Variants in DNAH17 observed in about 807,000 individuals in gnomAD.
DNAH17 encodes dynein axonemal heavy chain 17.
In DNAH17, 376 loss-of-function variants were observed where a neutral mutation model predicts 485.6. The observed-to-expected ratio is 0.77, with a 90% CI of 0.71 to 0.84. The LOEUF is 0.84. Among genes scored for constraint, DNAH17 ranks in the 40% least tolerant of loss-of-function variants. DNAH17 has a pLI of 0.00. For synonymous variants in DNAH17, 3,031 were observed against 2,405.9 expected (o/e 1.26, Z -7.60); for missense variants, 6,370 against 5,839.3 (o/e 1.09, Z -2.96).
chr17:78,535,978 C>T (rs540372948), intron 19 of DNAH17, among the ~76,000 whole-genome samples: 3 of 152,262 alleles, frequency 2.0e-5, no homozygotes, highest in Non-Finnish European at 4.4e-5. Context: ...TCAAACCTCC[C>T]TTAAGCGGGG....
At chr17:78,545,745 C>G (rs1326574850) in intron 16 of DNAH17, among the ~76,000 whole-genome samples, 4 of 152,166 alleles carry the variant, frequency 2.6e-5, no homozygotes, top group Admixed American at 2.6e-4. Context: ...GCCCATTTTT[C>G]AACTCTTCTA....
rs902479801 is a variant in DNAH17 at position 78,500,655 on chromosome 17, C to A, written c.5484-194G>T. 2.4e-5 allele frequency: 11 copies of A among 450,870 alleles called. No individual in the cohort carries two copies. In the East Asian group the frequency reaches 3.3e-4, roughly 13 times the overall value. 27.9% of individuals were successfully genotyped at this position (450,870 alleles called of 1,614,324 possible). A position where few individuals can be genotyped will look rare whatever the true frequency, so the allele number is the denominator to read the frequency against. On this transcript the variant is annotated intron_variant, in intron 35 of 80. Transcript: ENST00000389840. ...TCCCAAGTAGCTGGGACTATAGGCGCCCGCCACCATGCCCGGCTAATTTTT... is the reference window on the plus strand; with the variant it reads ...TCCCAAGTAGCTGGGACTATAGGCGACCGCCACCATGCCCGGCTAATTTTT...
At chr17:78,490,600 G>A (rs2089806128) in intron 44 of DNAH17, 99 bp downstream of exon 44, 1 of 1,470,752 alleles carries the variant, frequency 6.8e-7, no homozygotes, top group Non-Finnish European at 9.1e-7. Context: ...TACACAGTTT[G>A]TGACATGAAT....
At chr17:78,493,799 A>C (rs1233452346) in intron 41 of DNAH17, among the ~76,000 whole-genome samples, 1 of 152,218 alleles carries the variant, frequency 6.6e-6, no homozygotes, top group Non-Finnish European at 1.5e-5. Context: ...CAGGAAGACA[A>C]GGAGGAACAG....
In DNAH17 at chr17:78,451,614, T is replaced by C. The variant is rs776639418; in HGVS notation, c.10589A>G (p.His3530Arg). The C allele has an allele frequency of 4.4e-6, 7 of 1,607,140 alleles. No individual in the cohort carries two copies. The East Asian group carries it at 1.6e-4, about 36-fold the overall frequency. Reference protein sequence around the residue: ...EYHPKFRLILHTKYFNPHYKP... With the variant: ...EYHPKFRLILRTKYFNPHYKP... ...GTAGTGTGGGTTGAAGTACTTGGTG[T>C]GTAGGATCAGGCGGAACTTGGGGTG... is the stretch of plus-strand genomic sequence containing the variant. Residue 3530 changes from histidine (H) to arginine (R), a missense_variant, in exon 66 of 81, where the codon CAC becomes CGC. Coordinates refer to ENST00000389840, the MANE Select transcript of DNAH17 (RefSeq NM_173628.4).
chr17:78,439,067 C>G (rs1259140105), intron 73 of DNAH17, 23 bp downstream of exon 73: 6 of 1,610,578 alleles, frequency 3.7e-6, no homozygotes, highest in East Asian at 2.2e-5. Context: ...AGCCCTTACC[C>G]TGCAGTGCTG....
In DNAH17 at chr17:78,437,799, G is replaced by A. The variant is rs779929050; in HGVS notation, c.11875C>T (p.His3959Tyr). 4 of 1,612,454 alleles carry A rather than the reference G, an allele frequency of 2.5e-6. No individual in the cohort carries two copies. The highest frequency in any genetic ancestry group is 1.7e-5 in the Admixed American group (1 of 59,982). ...KKLEHYSTGS[H>Y]EDYRVFISAE... ...CTGATGAACACCCGGTAGTCCTCAT[G>A]GCTGCCCGTGCTGTAGTGCTCCAGC... Residue 3959 changes from histidine (H) to tyrosine (Y), a missense_variant, in exon 74 of 81, where the codon CAT becomes TAT. Physicochemically the swap from His to Tyr is moderately conservative, Grantham distance 83. Transcript: ENST00000389840.
intron 16 of DNAH17, among the ~76,000 whole-genome samples, chr17:78,544,973 C>T (rs1258669706): frequency 6.6e-6 from 1 of 151,964 alleles, no homozygotes; most frequent in Non-Finnish European, 1.5e-5. Flanking sequence ...CAGTCTTTGG[C>T]CATATCTCCC....
In DNAH17 at chr17:78,423,906, C is replaced by CTAA. The variant is rs1363704908; in HGVS notation, c.13386_13388dup (p.Val4462_Ter4463insTyr). ...GTGTGGGCTGTGAGGCAGGAGCGAG[C>CTAA]TAAACCTGTAGGAGCAGCGCCACGG... On this transcript the variant is annotated inframe_insertion, in exon 81 of 81. Coordinates refer to ENST00000389840, the MANE Select transcript of DNAH17 (RefSeq NM_173628.4). 2 of 1,613,908 alleles carry CTAA rather than the reference C, an allele frequency of 1.2e-6. No individual in the cohort carries two copies. The highest frequency in any genetic ancestry group is 3.3e-5 in the Admixed American group (2 of 60,032).
Position 78,423,726 on chromosome 17 carries a change from C to T in DNAH17, c.*180G>A. On this transcript the variant is annotated 3_prime_UTR_variant, in exon 81 of 81. Coordinates refer to ENST00000389840, the MANE Select transcript of DNAH17 (RefSeq NM_173628.4). ...TGGCTCCACTGGCTTTAATCTGCCC[C>T]ACCTCTTCCACACCAACCTCCACCC... 1 of 759,106 alleles carries T rather than the reference C, an allele frequency of 1.3e-6. No individual in the cohort carries two copies. Among genetic ancestry groups the T allele is most frequent in the Non-Finnish European group, 2.1e-6 (1 of 475,736 alleles). 47.0% of individuals were successfully genotyped at this position (759,106 alleles called of 1,614,324 possible). A position where few individuals can be genotyped will look rare whatever the true frequency, so the allele number is the denominator to read the frequency against.
At chr17:78,440,511 T>A (rs1568053800) in intron 72 of DNAH17, among the ~76,000 whole-genome samples, 1 of 152,112 alleles carries the variant, frequency 6.6e-6, no homozygotes, top group South Asian at 2.1e-4. Flanking sequence ...CCGCCCACCC[T>A]GGCCTCCCAA....
chr17:78,507,164 A>G (rs1598610437), intron 29 of DNAH17, 114 bp downstream of exon 29: 3 of 1,225,104 alleles, frequency 2.4e-6, no homozygotes, highest in Non-Finnish European at 3.4e-6. Context: ...CCCAGGACCC[A>G]TGGTTTTGCC....
At chr17:78,447,688 G>A (rs1047408305) in intron 69 of DNAH17, among the ~76,000 whole-genome samples, 1 of 151,056 alleles carries the variant, frequency 6.6e-6, no homozygotes, top group African/African-American at 2.5e-5. Flanking sequence ...TCTCAGCCAG[G>A]AGAAAATCTC....
rs761729815 is a variant in DNAH17, at chr17:78,460,281, G to C, written c.9340-24C>G. 3.8e-6 allele frequency: 6 copies of C among 1,563,932 alleles called. No individual in the cohort carries two copies. In the South Asian group the frequency reaches 5.9e-5, roughly 15 times the overall value. On this transcript the variant is annotated intron_variant, in intron 58 of 80. Coordinates refer to ENST00000389840, the MANE Select transcript of DNAH17 (RefSeq NM_173628.4). ...TTCTGGAAGGAAGATGGACAGGAGA[G>C]GTTACTGCAGGCCTGTCCATGTGCC...
chr17:78,433,583 G>A (rs1044080719), intron 75 of DNAH17, among the ~76,000 whole-genome samples: 13 of 152,146 alleles, frequency 8.5e-5, no homozygotes, highest in African/African-American at 3.1e-4. Flanking sequence ...CTCCAAACCT[G>A]GGTTCTCTCC....
intron 17 of DNAH17, among the ~76,000 whole-genome samples, chr17:78,543,372 G>A (rs1231575344): frequency 6.6e-6 from 1 of 151,054 alleles, no homozygotes; most frequent in Admixed American, 6.6e-5. Flanking sequence ...CTCACTGCAA[G>A]CTCCGCTTCC....
At chr17:78,478,814 C>CT (rs2089221533) in intron 51 of DNAH17, 3 of 539,894 alleles carry the variant, frequency 5.6e-6, no homozygotes, top group Non-Finnish European at 9.8e-6. Flanking sequence ...ACCATCATCA[C>CT]ATCACCATCA....
chr17:78,491,003 C>T (rs1433215813), intron 43 of DNAH17, among the ~76,000 whole-genome samples, 156 bp from the exon 44 acceptor site: 2 of 152,198 alleles, frequency 1.3e-5, no homozygotes. Context: ...TCCCTTGGCC[C>T]AGGGCTTCTC....
intron 12 of DNAH17, 108 bp downstream of exon 12, chr17:78,561,607 C>G (rs923332514): frequency 4.6e-5 from 61 of 1,336,786 alleles, no homozygotes; most frequent in Middle Eastern, 2.6e-4. Context: ...TGGGAGGTAA[C>G]AGTCTGGTCG....
Sources: gnomAD v4.1 joint callset for allele counts (sites outside exome capture counted in the v4.1 genomes callset) on GRCh38, gnomAD v4.1.1 for gene constraint, MANE v1.5 for transcripts, NCBI Gene and HGNC (gene_info 2026-07-23, HGNC 2026-07-21) for gene names.